The following PDE4D variants were observed in gnomAD, a reference collection of about 807,000 sequenced individuals.
PDE4D encodes phosphodiesterase 4D.
PDE4D carries 24 observed loss-of-function variants against 87.4 expected under a neutral mutation model. The ratio of observed to expected loss-of-function variants is 0.27; its 90% CI spans 0.20 to 0.39. PDE4D has a LOEUF of 0.39. PDE4D is among the 10% of genes least tolerant of loss of function. PDE4D has a pLI of 1.00. For missense variants in PDE4D, 714 were observed against 1,041.0 expected, an observed-to-expected ratio of 0.69 and a Z score of 4.32; for synonymous variants, 384 against 383.2, an observed-to-expected ratio of 1.00 and a Z score of -0.02.
At chr5:59,574,005 A>AT (rs1554032329) in intron 1 of PDE4D, among the ~76,000 whole-genome samples, 3 of 119,684 alleles carry the variant, frequency 2.5e-5, no homozygotes, top group East Asian at 2.3e-4. Context: ...CTCAAAAAAA[A>AT]ATATATATAT....
intron 1 of PDE4D, among the ~76,000 whole-genome samples, chr5:59,819,420 T>C (rs1231297670): frequency 1.3e-5 from 2 of 152,230 alleles, no homozygotes; most frequent in Non-Finnish European, 2.9e-5. Context: ...TTTCTCCCAT[T>C]CTTCCAGACT....
At chr5:60,048,666 TTTTC>T (rs1472769298) in intron 2 of PDE4D, among the ~76,000 whole-genome samples, 1 of 152,082 alleles carries the variant, frequency 6.6e-6, no homozygotes, top group East Asian at 1.9e-4. Context: ...TTGAAAATTC[TTTTC>T]TTTAAGAATG....
At chr5:59,160,469 T>C (rs1282136512) in intron 5 of PDE4D, among the ~76,000 whole-genome samples, 2 of 152,036 alleles carry the variant, frequency 1.3e-5, no homozygotes, top group African/African-American at 2.4e-5. Flanking sequence ...GATTTTTTTT[T>C]CCTTCATTAG....
chr5:60,121,309 G>A (rs1344103966), intron 2 of PDE4D, among the ~76,000 whole-genome samples: 1 of 151,956 alleles, frequency 6.6e-6, no homozygotes, highest in Non-Finnish European at 1.5e-5. Flanking sequence ...GAAAAGGTAG[G>A]GAAATTCTCA....
At chr5:59,420,170 A>C (rs1258025793) in intron 1 of PDE4D, among the ~76,000 whole-genome samples, 1 of 152,202 alleles carries the variant, frequency 6.6e-6, no homozygotes, top group Non-Finnish European at 1.5e-5. Flanking sequence ...GGTTCTCCTC[A>C]GTCACAGTAC....
At chr5:60,172,101 AAT>A (rs577272867) in intron 2 of PDE4D, among the ~76,000 whole-genome samples, 7 of 147,110 alleles carry the variant, frequency 4.8e-5, no homozygotes, top group Middle Eastern at 3.6e-3. Flanking sequence ...TAAATGAGTG[AAT>A]ATATATATAT....
chr5:59,480,460 T>G (rs550792733), intron 1 of PDE4D, among the ~76,000 whole-genome samples: 1 of 152,108 alleles, frequency 6.6e-6, no homozygotes. Flanking sequence ...ATTACCTCCC[T>G]TATCTATTTC....
intron 1 of PDE4D, among the ~76,000 whole-genome samples, chr5:60,257,212 AAGAAAGAAAG>A (rs1367617203): frequency 2.7e-5 from 3 of 112,038 alleles, no homozygotes; most frequent in African/African-American, 3.9e-5. Context: ...GAATGAATGA[AAGAAAGAAAG>A]AGAAAGAAAG....
chr5:59,837,836 G>T (rs1463704122), intron 1 of PDE4D, among the ~76,000 whole-genome samples: 1 of 151,966 alleles, frequency 6.6e-6, no homozygotes, highest in Non-Finnish European at 1.5e-5. Flanking sequence ...CCAATATTTT[G>T]AAAAGTACAA....
At chr5:59,758,143 T>C (rs1761512714) in intron 1 of PDE4D, among the ~76,000 whole-genome samples, 1 of 152,120 alleles carries the variant, frequency 6.6e-6, no homozygotes, top group Admixed American at 6.6e-5. Flanking sequence ...TAGGAAGACT[T>C]GGGTTCAAGT....
intron 1 of PDE4D, among the ~76,000 whole-genome samples, chr5:60,507,055 T>C (rs2150251498): frequency 6.6e-6 from 1 of 152,316 alleles, no homozygotes. Flanking sequence ...CATCATGTCT[T>C]GTCATAAACA....
intron 1 of PDE4D, among the ~76,000 whole-genome samples, chr5:59,649,904 C>CTTTTTTTTTTTTTTTTTTTTTTTT (rs1561402852): frequency 0.01 from 762 of 73,968 alleles, 272 homozygotes; most frequent in East Asian, 0.02. Context: ...AGTTTGTGAA[C>CTTTTTTTTTTTTTTTTTTTTTTTT]CTTTTTTTTT....
At chr5:60,344,508 G>A (rs2149906109) in intron 1 of PDE4D, among the ~76,000 whole-genome samples, 1 of 152,154 alleles carries the variant, frequency 6.6e-6, no homozygotes, top group South Asian at 2.1e-4. Context: ...CAAAATGAAG[G>A]ACCCATAAAG....
At chr5:60,079,871 A>G (rs1773737586) in intron 2 of PDE4D, among the ~76,000 whole-genome samples, 1 of 152,064 alleles carries the variant, frequency 6.6e-6, no homozygotes, top group African/African-American at 2.4e-5. Context: ...TCTTATTTGA[A>G]TCCATATGAA....
At chr5:60,114,587 G>A (rs566889107) in intron 2 of PDE4D, among the ~76,000 whole-genome samples, 62 of 152,114 alleles carry the variant, frequency 4.1e-4, no homozygotes, top group African/African-American at 1.5e-3. Context: ...GTTCCCAATG[G>A]TGGACAGGAT....
At chr5:59,578,958 C>T (rs1341634932) in intron 1 of PDE4D, among the ~76,000 whole-genome samples, 2 of 151,938 alleles carry the variant, frequency 1.3e-5, no homozygotes, top group Non-Finnish European at 2.9e-5. Context: ...TCTTCTTCTC[C>T]TCCTCCTTCG....
At chr5:60,380,976 T>G (rs953328372) in intron 1 of PDE4D, among the ~76,000 whole-genome samples, 2 of 152,200 alleles carry the variant, frequency 1.3e-5, no homozygotes, top group Non-Finnish European at 2.9e-5. Context: ...TCAGCAAATC[T>G]AGGTGGCTCA....
rs79909000 is a variant in PDE4D at position 60,175,812 on chromosome 5, C to T, written c.42+9745G>A. Reference sequence around the variant, plus strand: ...GTGTACCTCTGTATCAGCAATGTGGCCTTCACAAGTGCTCCTGCAACTTTC... The same window carrying T: ...GTGTACCTCTGTATCAGCAATGTGGTCTTCACAAGTGCTCCTGCAACTTTC... On this transcript the variant is annotated intron_variant, in intron 2 of 16. Transcript: ENST00000502484. 4.5e-3 allele frequency among the ~76,000 whole-genome samples: 682 copies of T among 152,200 alleles called. 42 individuals are homozygous for T. The East Asian group carries it at 0.12, about 26-fold the overall frequency.
At chr5:60,197,018 C>CAGATAGATAGATAGATAGATAGAT (rs201360208) in intron 1 of PDE4D, among the ~76,000 whole-genome samples, 16 of 123,586 alleles carry the variant, frequency 1.3e-4, no homozygotes, top group Admixed American at 1.0e-3. Context: ...ACAAGATAGG[C>CAGATAGATAGATAGATAGATAGAT]AGATAGATAG....
Sources: allele counts gnomAD v4.1 joint callset (sites outside exome capture counted in the v4.1 genomes callset), GRCh38; gene constraint gnomAD v4.1.1; transcripts MANE v1.5; gene names NCBI Gene and HGNC (gene_info 2026-07-23, HGNC 2026-07-21).